Variants in PHC3 observed in about 807,000 individuals in gnomAD.
The protein encoded by PHC3 is polyhomeotic homolog 3.
PHC3 carries 13 observed loss-of-function variants against 107.4 expected under a neutral mutation model. The observed-to-expected ratio is 0.12, with a 90% CI of 0.08 to 0.19. The LOEUF (loss-of-function observed/expected upper bound fraction) is 0.19, where lower values mean the gene tolerates loss of function less well. Ranked by LOEUF, PHC3 falls within the 10% of genes least tolerant of loss-of-function variation. The probability of loss-of-function intolerance (pLI) is 1.00; values close to 1 mark genes in which losing one functional copy is unlikely to be tolerated. For missense variants in PHC3, 992 were observed against 1,210.9 expected (o/e 0.82, Z 2.68); for synonymous variants, 456 against 427.4 (o/e 1.07, Z -0.83).
At chr3:170,153,794 AG>A (rs1369355367) in intron 4 of PHC3, among the ~76,000 whole-genome samples, 12 of 151,920 alleles carry the variant, frequency 7.9e-5, no homozygotes, top group African/African-American at 2.9e-4. Context: ...TTCTGGATAA[AG>A]TTAAACCTCT....
intron 7 of PHC3, among the ~76,000 whole-genome samples, chr3:170,133,618 T>C (rs1722600433): frequency 6.6e-6 from 1 of 152,248 alleles, no homozygotes. Context: ...ATTTTCTGCG[T>C]GGTTTGTTTA....
rs2108245832 is a variant in PHC3, at chr3:170,097,165, C to A, written c.*65G>T. On this transcript the variant is annotated 3_prime_UTR_variant, in exon 15 of 15. Transcript: ENST00000495893. This position sits in a 1 kb window ranked among gnomAD's most constrained non-coding sequence, Gnocchi z 4.1. ...GTGTCATATTCTAGACCAAGTTAGG[C>A]CTTTACCTTACAAGTTTTTGTGAGA... 2 of 1,512,792 alleles carry A rather than the reference C, an allele frequency of 1.3e-6. No homozygotes were observed. The highest frequency in any genetic ancestry group is 4.5e-5 in the East Asian group (2 of 44,084). 93.7% of individuals were successfully genotyped at this position (1,512,792 alleles called of 1,614,324 possible). A position where few individuals can be genotyped will look rare whatever the true frequency, so the allele number is the denominator to read the frequency against.
chr3:170,131,849 T>G (rs745994073), intron 7 of PHC3, among the ~76,000 whole-genome samples: 1 of 152,116 alleles, frequency 6.6e-6, no homozygotes, highest in African/African-American at 2.4e-5. Flanking sequence ...AAAAAAAGAA[T>G]AACAAATCTT....
intron 4 of PHC3, among the ~76,000 whole-genome samples, chr3:170,150,971 G>A (rs1382618699): frequency 1.3e-5 from 2 of 152,094 alleles, no homozygotes; most frequent in East Asian, 1.9e-4. Context: ...CCAGCACTTT[G>A]GGAGGCTGAG....
rs199779545 is a variant in PHC3 at position 170,112,379 on chromosome 3, T to TTA, written c.2353+979_2353+980dup. Among the ~76,000 whole-genome samples, 476 of 118,538 alleles carry TTA rather than the reference T, an allele frequency of 4.0e-3. 2 individuals are homozygous for TTA. The highest frequency in any genetic ancestry group is 4.8e-3 in the Non-Finnish European group (270 of 56,048). 77.8% of individuals were successfully genotyped at this position (118,538 alleles called of 152,430 possible). A position where few individuals can be genotyped will look rare whatever the true frequency, so the allele number is the denominator to read the frequency against. Reference sequence around the variant, plus strand: ...GCACACACCACCAGGCCCAGCTAATTTATATATATATATATATTTTTTTTT... The same window carrying TTA: ...GCACACACCACCAGGCCCAGCTAATTTATATATATATATATATATTTTTTTTT... On this transcript the variant is annotated intron_variant, in intron 11 of 14. Coordinates refer to ENST00000495893, the MANE Select transcript of PHC3 (RefSeq NM_024947.4).
At chr3:170,142,692 TTGTG>T (rs1176323864) in intron 6 of PHC3, among the ~76,000 whole-genome samples, 1 of 152,198 alleles carries the variant, frequency 6.6e-6, no homozygotes, top group Non-Finnish European at 1.5e-5. Flanking sequence ...CTAGTTTTAT[TTGTG>T]TCTTTTTTCT....
intron 5 of PHC3, chr3:170,147,621 T>A (rs1412755244): frequency 6.6e-6 from 1 of 152,196 alleles, no homozygotes; most frequent in East Asian, 1.9e-4. Context: ...ATACTAAATA[T>A]ATGTAAAGAC....
Position 170,181,701 on chromosome 3 carries a change from C to G in PHC3, c.14+1G>C. On this transcript the variant is annotated splice_donor_variant, in intron 1 of 14. Coordinates refer to ENST00000495893, the MANE Select transcript of PHC3 (RefSeq NM_024947.4). LOFTEE classifies it high-confidence loss of function. ...ACATCAGTCACCATCTAGTCACTCA[C>G]TCCGCTTCCGCCATCTTCTCTCCTC... The G allele has an allele frequency of 1.2e-6, 2 of 1,613,390 alleles. No individual in the cohort carries two copies. The highest frequency in any genetic ancestry group is 1.7e-6 in the Non-Finnish European group (2 of 1,179,832).
intron 2 of PHC3, among the ~76,000 whole-genome samples, chr3:170,177,304 T>TTA (rs1049812308): frequency 1.3e-5 from 2 of 152,192 alleles, no homozygotes; most frequent in Admixed American, 6.5e-5. Context: ...GACTTTCCCC[T>TTA]TATAATTTTC....
intron 4 of PHC3, among the ~76,000 whole-genome samples, chr3:170,164,768 A>G (rs1728462390): frequency 6.6e-6 from 1 of 152,176 alleles, no homozygotes; most frequent in South Asian, 2.1e-4. Flanking sequence ...ACAGGCACAA[A>G]CAAAAATCCC....
At chr3:170,165,275 C>T (rs145622269) in intron 4 of PHC3, among the ~76,000 whole-genome samples, 11 of 152,254 alleles carry the variant, frequency 7.2e-5, no homozygotes, top group African/African-American at 2.6e-4. Context: ...AGGCAGCACA[C>T]TCTCCCTTTG....
intron 11 of PHC3, among the ~76,000 whole-genome samples, chr3:170,112,339 T>C (rs1717968423): frequency 6.6e-6 from 1 of 151,668 alleles, no homozygotes; most frequent in African/African-American, 2.4e-5. Context: ...GCCTCCAAAG[T>C]AGCTGGGATT....
chr3:170,118,781 G>C (rs932837873), intron 9 of PHC3, among the ~76,000 whole-genome samples: 12 of 151,390 alleles, frequency 7.9e-5, no homozygotes, highest in Admixed American at 4.0e-4. Context: ...AGCTGGTCTG[G>C]AATTCCTAGA....
rs760510460 is a variant in PHC3, at chr3:170,172,641, T to C, written c.252A>G (p.Gln84=). 9.9e-6 allele frequency: 16 copies of C among 1,613,650 alleles called. 1 individual carries two copies. The highest frequency in any genetic ancestry group is 2.2e-5 in the East Asian group (1 of 44,868). Residue 84 remains glutamine, a synonymous_variant, in exon 3 of 15, where the codon CAA becomes CAG. Transcript: ENST00000495893. ...AQYLQQMYAA[Q]QQHLMLHTAA... Reference sequence around the variant, plus strand: ...CAGTATGCAGCATCAAGTGCTGTTGTTGGGCTGCATACATTTGCTGAAGGT... The same window carrying C: ...CAGTATGCAGCATCAAGTGCTGTTGCTGGGCTGCATACATTTGCTGAAGGT...
chr3:170,098,551 A>G (rs145639956), intron 14 of PHC3, among the ~76,000 whole-genome samples: 2,495 of 152,240 alleles, frequency 0.016, 35 homozygotes, highest in Non-Finnish European at 0.026. Context: ...CAAAGCACAA[A>G]GCATTATAGG....
intron 4 of PHC3, among the ~76,000 whole-genome samples, chr3:170,159,865 C>A (rs538140876): frequency 8.5e-5 from 13 of 152,142 alleles, no homozygotes; most frequent in Admixed American, 3.9e-4. Context: ...AAAAAGTAAT[C>A]TTTGCTTTCA....
intron 6 of PHC3, among the ~76,000 whole-genome samples, chr3:170,142,098 ACG>A (rs1372248978): frequency 1.3e-5 from 2 of 152,178 alleles, no homozygotes; most frequent in Non-Finnish European, 2.9e-5. Context: ...GCTGCAAGTA[ACG>A]GCTCCGAGAA....
intron 4 of PHC3, among the ~76,000 whole-genome samples, chr3:170,168,323 T>C (rs1297510767): frequency 6.6e-6 from 1 of 152,252 alleles, no homozygotes; most frequent in Non-Finnish European, 1.5e-5. Flanking sequence ...ACTTTGCTTA[T>C]GCCGTTTTTT....
chr3:170,137,886 A>G (rs1723374458), intron 6 of PHC3, among the ~76,000 whole-genome samples: 1 of 152,220 alleles, frequency 6.6e-6, no homozygotes, highest in Non-Finnish European at 1.5e-5. Flanking sequence ...CAACAGAGCG[A>G]GACTCTGTCT....
Sources: gnomAD v4.1 joint callset for allele counts (sites outside exome capture counted in the v4.1 genomes callset) on GRCh38, gnomAD v4.1.1 for gene constraint, Gnocchi (gnomAD v3.1) non-coding constraint, MANE v1.5 for transcripts, NCBI Gene and HGNC (gene_info 2026-07-23, HGNC 2026-07-21) for gene names.